SLCO3A1: variants seen among roughly 807,000 people sequenced by gnomAD.
SLCO3A1 encodes PGE1 transporter.
A neutral mutation model predicts 63.1 loss-of-function variants in SLCO3A1; 27 were observed. The observed-to-expected ratio is 0.43, with a 90% CI of 0.32 to 0.59. The LOEUF (loss-of-function observed/expected upper bound fraction) is 0.59. Among genes scored for constraint, SLCO3A1 ranks in the 20% least tolerant of loss-of-function variants. The pLI is 0.09. For synonymous variants in SLCO3A1, 473 were observed against 409.9 expected (o/e 1.15, Z -1.86); for missense variants, 773 against 945.8 (o/e 0.82, Z 2.40).
chr15:91,938,980 C>T (rs768346391), intron 2 of SLCO3A1, among the ~76,000 whole-genome samples: 1 of 152,214 alleles, frequency 6.6e-6, no homozygotes, highest in African/African-American at 2.4e-5. Context: ...CTGGGCTCAT[C>T]TGGGCCTGTC....
At chr15:92,044,867 C>A (rs972433654) in intron 2 of SLCO3A1, among the ~76,000 whole-genome samples, 1 of 152,154 alleles carries the variant, frequency 6.6e-6, no homozygotes, top group African/African-American at 2.4e-5. Context: ...TTGTCCCCAT[C>A]CCCTCGCAAC....
At chr15:91,889,098 C>T (rs1024216328) in intron 1 of SLCO3A1, 12 of 1,170,604 alleles carry the variant, frequency 1.0e-5, no homozygotes, top group Non-Finnish European at 1.3e-5. Context: ...CTTGTTATTA[C>T]AGAATAAATA....
intron 3 of SLCO3A1, among the ~76,000 whole-genome samples, chr15:92,097,420 C>T (rs767216368): frequency 4.6e-4 from 70 of 152,198 alleles, no homozygotes; most frequent in Non-Finnish European, 4.9e-4. Flanking sequence ...GGGCTTAGCC[C>T]ATCCACTCCC....
rs1597075629 is a variant in SLCO3A1, at chr15:91,872,036, A to C, written c.180+17948A>C. Among the ~76,000 whole-genome samples, 1 of 152,128 alleles carries C rather than the reference A, an allele frequency of 6.6e-6. No homozygotes were observed. The highest frequency in any genetic ancestry group is 2.4e-5 in the African/African-American group (1 of 41,428). On this transcript the variant is annotated intron_variant, in intron 1 of 9. Transcript: ENST00000318445. This position sits in a 1 kb window ranked among gnomAD's most constrained non-coding sequence, Gnocchi z 4.1. ...TTGTTTTGCTTTTCAGAATTACAAA[A>C]TGGGATGATGAGTTCAAGGGATTGG...
chr15:91,963,827 T>C (rs1003783247), intron 2 of SLCO3A1, among the ~76,000 whole-genome samples: 5 of 152,068 alleles, frequency 3.3e-5, no homozygotes, highest in African/African-American at 9.7e-5. Context: ...GCAAGATTTA[T>C]TGTGAAGAGC....
chr15:92,071,700 C>T (rs2047217998), intron 2 of SLCO3A1, among the ~76,000 whole-genome samples: 1 of 152,174 alleles, frequency 6.6e-6, no homozygotes, highest in Non-Finnish European at 1.5e-5. Context: ...TCTCCTCTGG[C>T]CCCAGTTCTT....
At position 91,900,931 on chromosome 15, in the gene SLCO3A1, A is replaced by G. The variant is rs534991363; in HGVS notation, c.181-15062A>G. ...ATTGAGAGGGATATTAACTTCTCCAAATATTATTGTTGTATTGTTTATTTC... is the reference window on the plus strand; with the variant it reads ...ATTGAGAGGGATATTAACTTCTCCAGATATTATTGTTGTATTGTTTATTTC... On this transcript the variant is annotated intron_variant, in intron 1 of 9. Transcript: ENST00000318445. This position sits in a 1 kb window ranked among gnomAD's most constrained non-coding sequence, Gnocchi z 4.3. Among the ~76,000 whole-genome samples, 4 of 152,224 alleles carry G rather than the reference A, an allele frequency of 2.6e-5. No homozygotes were observed. Among genetic ancestry groups the G allele is most frequent in the Middle Eastern group, 3.4e-3 (1 of 294 alleles).
chr15:92,120,105 C>A (rs1266114366), intron 4 of SLCO3A1, among the ~76,000 whole-genome samples: 1 of 147,926 alleles, frequency 6.8e-6, no homozygotes, highest in Non-Finnish European at 1.5e-5. Context: ...ATTTTTTTTT[C>A]TTTTGAGAAA....
chr15:91,896,832 A>T (rs565153641), intron 1 of SLCO3A1, among the ~76,000 whole-genome samples: 1 of 152,210 alleles, frequency 6.6e-6, no homozygotes, highest in Non-Finnish European at 1.5e-5. Context: ...GGTGAGTCTT[A>T]TGTAAGATGT....
chr15:91,925,656 G>A (rs1898988879), intron 2 of SLCO3A1, among the ~76,000 whole-genome samples: 1 of 152,140 alleles, frequency 6.6e-6, no homozygotes, highest in South Asian at 2.1e-4. Flanking sequence ...TGGGGCGAGA[G>A]AAGTGGACTG....
chr15:92,010,923 C>T (rs1279733485), intron 2 of SLCO3A1, among the ~76,000 whole-genome samples: 2 of 152,224 alleles, frequency 1.3e-5, no homozygotes, highest in Non-Finnish European at 1.5e-5. Flanking sequence ...CAGTCCAAGC[C>T]ATCATTGTGT....
At chr15:91,952,869 C>T (rs2151412980) in intron 2 of SLCO3A1, among the ~76,000 whole-genome samples, 1 of 152,290 alleles carries the variant, frequency 6.6e-6, no homozygotes, top group East Asian at 1.9e-4. Context: ...CCGCATCACA[C>T]TGCTGTGTCC....
intron 2 of SLCO3A1, among the ~76,000 whole-genome samples, chr15:91,928,313 T>C (rs1341867984): frequency 6.6e-6 from 1 of 152,146 alleles, no homozygotes; most frequent in Non-Finnish European, 1.5e-5. Context: ...ACTCTCTCAC[T>C]CCCTCCTCAT....
At chr15:92,006,785 T>C (rs2046317805) in intron 2 of SLCO3A1, among the ~76,000 whole-genome samples, 4 of 152,226 alleles carry the variant, frequency 2.6e-5, no homozygotes, top group African/African-American at 4.8e-5. Context: ...GAGAGAATCA[T>C]CAGAATTACT....
In SLCO3A1 at chr15:92,093,108, G is replaced by A. The variant is rs141032985; in HGVS notation, c.647-1773G>A. 3.3e-3 allele frequency among the ~76,000 whole-genome samples: 496 copies of A among 152,264 alleles called. 2 individuals are homozygous for A. The highest frequency in any genetic ancestry group is 0.011 in the African/African-American group (462 of 41,532). The stretch of plus-strand genomic sequence containing the variant: ...GACTGCTTCAGGGTTCTGGGTTCCC[G>A]TGTGTAAATGTGTGTTAGTTCATTC... On this transcript the variant is annotated intron_variant, in intron 2 of 9. Coordinates refer to ENST00000318445, the MANE Select transcript of SLCO3A1 (RefSeq NM_013272.4).
intron 5 of SLCO3A1, among the ~76,000 whole-genome samples, chr15:92,124,850 G>A (rs1050883434): frequency 7.2e-5 from 11 of 152,158 alleles, no homozygotes; most frequent in South Asian, 2.1e-4. Flanking sequence ...GGAACTGCAC[G>A]TGCAAAGCCT....
At chr15:91,917,093 G>A (rs1322166105) in intron 2 of SLCO3A1, among the ~76,000 whole-genome samples, 1 of 152,240 alleles carries the variant, frequency 6.6e-6, no homozygotes, top group Non-Finnish European at 1.5e-5. Flanking sequence ...AATCATCTGA[G>A]TGGCAAGTTG....
chr15:92,074,578 A>T (rs1181928122), intron 2 of SLCO3A1, among the ~76,000 whole-genome samples: 1 of 152,112 alleles, frequency 6.6e-6, no homozygotes, highest in Admixed American at 6.5e-5. Flanking sequence ...CCTTTTTTAG[A>T]GGAGACATTC....
intron 2 of SLCO3A1, among the ~76,000 whole-genome samples, chr15:91,920,786 T>G (rs570428807): frequency 1.3e-5 from 2 of 152,328 alleles, no homozygotes; most frequent in Non-Finnish European, 2.9e-5. Flanking sequence ...GGATCTACCA[T>G]GAATAATCCC....
Sources: gnomAD v4.1 joint callset for allele counts (sites outside exome capture counted in the v4.1 genomes callset) on GRCh38, gnomAD v4.1.1 for gene constraint, Gnocchi (gnomAD v3.1) non-coding constraint, MANE v1.5 for transcripts, NCBI Gene and HGNC (gene_info 2026-07-23, HGNC 2026-07-21) for gene names.